Variants in GPRC6A observed in about 807,000 individuals in gnomAD.
The protein encoded by GPRC6A is G protein-coupled receptor family C group 6 member A.
In GPRC6A, 54 loss-of-function variants were observed where a neutral mutation model predicts 47.0. That is an observed-to-expected ratio of 1.15 (90% CI 0.92 to 1.44). GPRC6A has a LOEUF of 1.44. Among genes scored for constraint, GPRC6A ranks in the 40% most tolerant of loss-of-function variants. The pLI, the probability that GPRC6A is intolerant of heterozygous loss-of-function variation, is 0.00. For synonymous variants in GPRC6A, 347 were observed against 377.1 expected, an observed-to-expected ratio of 0.92 and a Z score of 0.93; for missense variants, 1,112 against 1,105.5, an observed-to-expected ratio of 1.01 and a Z score of -0.08.
At chr6:116,822,157 T>A (rs1035537433) in intron 1 of GPRC6A, among the ~76,000 whole-genome samples, 1 of 138,366 alleles carries the variant, frequency 7.2e-6, no homozygotes, top group African/African-American at 2.8e-5. Context: ...AAAACCACAA[T>A]GAGATACCAT....
At position 116,806,517 on chromosome 6, in the gene GPRC6A, G is replaced by C; in HGVS notation, c.1188C>G (p.Phe396Leu). 6.2e-7 allele frequency: 1 copy of C among 1,613,492 alleles called. No individual in the cohort carries two copies. The highest frequency in any genetic ancestry group is 1.1e-5 in the South Asian group (1 of 91,078). The stretch of plus-strand genomic sequence containing the variant: ...CCCAGAGGAAGTCATTTCTCATGAC[G>C]AAGTTCCTTTCTATAGCCTTGTTAG... ...YKANKAIERN[F>L]VMRNDFLWDY... Residue 396 changes from phenylalanine to leucine, a missense_variant, in exon 3 of 6, where the codon TTC (phenylalanine) becomes TTG (leucine). Phe to Leu is a conservative substitution (Grantham distance 22, BLOSUM62 0). Transcript: ENST00000310357.
chr6:116,806,837 C>G lies in GPRC6A; in HGVS notation c.868G>C (p.Ala290Pro), dbSNP rs1396165480. Reference protein sequence around the residue: ...QFHVFDLFNKAIEMNINKMWI... With the variant: ...QFHVFDLFNKPIEMNINKMWI... ...ATCTTATTTATATTCATTTCAATGG[C>G]TTTATTGAAGAGATCAAAAACATGG... is the stretch of plus-strand genomic sequence containing the variant. The change falls in exon 3 of 6, where the codon GCC becomes CCC. Residue 290 changes from alanine to proline, a missense_variant. Physicochemically the swap from Ala to Pro is conservative, Grantham distance 27 (BLOSUM62 -1). Transcript: ENST00000310357. 2.5e-6 allele frequency: 4 copies of G among 1,612,322 alleles called. No individual in the cohort carries two copies. The highest frequency in any genetic ancestry group is 3.4e-6 in the Non-Finnish European group (4 of 1,178,616).
At chr6:116,821,498 G>A (rs1252730099) in intron 1 of GPRC6A, among the ~76,000 whole-genome samples, 1 of 152,054 alleles carries the variant, frequency 6.6e-6, no homozygotes, top group East Asian at 1.9e-4. Flanking sequence ...CATGGTACCG[G>A]TACCAAAACA....
At chr6:116,805,595 G>T (rs1436481979) in intron 3 of GPRC6A, among the ~76,000 whole-genome samples, 1 of 149,542 alleles carries the variant, frequency 6.7e-6, no homozygotes, top group Non-Finnish European at 1.5e-5. Context: ...ACTTTTCAAT[G>T]CCTTGTTCAA....
intron 4 of GPRC6A, among the ~76,000 whole-genome samples, chr6:116,800,010 A>G (rs879548807): frequency 6.6e-6 from 1 of 152,164 alleles, no homozygotes; most frequent in Non-Finnish European, 1.5e-5. Flanking sequence ...GTTAACTGAA[A>G]TGAGAACAGG....
chr6:116,812,636 C>T (rs1413209867), intron 1 of GPRC6A, among the ~76,000 whole-genome samples: 1 of 152,138 alleles, frequency 6.6e-6, no homozygotes, highest in African/African-American at 2.4e-5. Context: ...GAGACATAGA[C>T]TGGCTGTCAA....
intron 4 of GPRC6A, 85 bp from the exon 5 acceptor site, chr6:116,795,920 T>C: frequency 1.2e-6 from 1 of 844,380 alleles, no homozygotes; most frequent in Non-Finnish European, 1.8e-6. Flanking sequence ...AACTTAAAGA[T>C]ATATTTACTA....
chr6:116,798,634 C>T (rs951897975), intron 4 of GPRC6A, among the ~76,000 whole-genome samples: 2 of 151,966 alleles, frequency 1.3e-5, no homozygotes, highest in Non-Finnish European at 2.9e-5. Flanking sequence ...CCTCTAATTC[C>T]AGCACTTTAG....
chr6:116,817,266 A>T (rs1161526700), intron 1 of GPRC6A, among the ~76,000 whole-genome samples: 1 of 152,156 alleles, frequency 6.6e-6, no homozygotes, highest in African/African-American at 2.4e-5. Context: ...GGCACCCCCC[A>T]GCAGGGGCAC....
chr6:116,793,345 T>G, intron 5 of GPRC6A, 95 bp from the exon 6 acceptor site: 1 of 819,286 alleles, frequency 1.2e-6, no homozygotes, highest in Non-Finnish European at 1.8e-6. Context: ...TTAATAGTTC[T>G]GACTAGAGAA....
intron 3 of GPRC6A, among the ~76,000 whole-genome samples, chr6:116,806,027 G>T (rs1772825745): frequency 6.6e-6 from 1 of 151,968 alleles, no homozygotes; most frequent in Non-Finnish European, 1.5e-5. Context: ...AAAACAAAAG[G>T]ATTATTAAAC....
At chr6:116,821,650 T>C (rs1773484646) in intron 1 of GPRC6A, among the ~76,000 whole-genome samples, 1 of 152,100 alleles carries the variant, frequency 6.6e-6, no homozygotes, top group South Asian at 2.1e-4. Context: ...GAAAACTGGC[T>C]AGCCATATGT....
chr6:116,812,973 C>G (rs1386324353), intron 1 of GPRC6A, among the ~76,000 whole-genome samples: 2 of 152,106 alleles, frequency 1.3e-5, no homozygotes, highest in Non-Finnish European at 2.9e-5. Flanking sequence ...AACAGACAAA[C>G]AGAGAGACAA....
chr6:116,816,988 T>A (rs1478314140), intron 1 of GPRC6A, among the ~76,000 whole-genome samples: 1 of 152,208 alleles, frequency 6.6e-6, no homozygotes, highest in African/African-American at 2.4e-5. Flanking sequence ...CCAGGCTCGC[T>A]TAGGTAAACA....
intron 1 of GPRC6A, among the ~76,000 whole-genome samples, chr6:116,813,844 A>T (rs1773114213): frequency 6.6e-6 from 1 of 152,146 alleles, no homozygotes; most frequent in South Asian, 2.1e-4. Flanking sequence ...GGAGAAAATT[A>T]TTGCAATCTA....
chr6:116,797,421 A>G (rs1456480466), intron 4 of GPRC6A, among the ~76,000 whole-genome samples: 1 of 152,196 alleles, frequency 6.6e-6, no homozygotes, highest in East Asian at 1.9e-4. Flanking sequence ...GTTTTGGACT[A>G]TGAGTTCTGG....
chr6:116,821,045 A>G (rs1192238598), intron 1 of GPRC6A, among the ~76,000 whole-genome samples: 1 of 149,762 alleles, frequency 6.7e-6, no homozygotes, highest in African/African-American at 2.4e-5. Context: ...AAAAATCACA[A>G]GCATTCTTAT....
Position 116,792,293 on chromosome 6 carries a change from T to G in GPRC6A, c.2630A>C (p.Asn877Thr). The change falls in exon 6 of 6, where the codon AAT becomes ACT. Residue 877 changes from asparagine (N) to threonine (T), a missense_variant. By Grantham distance (65) the Asn-to-Thr change is moderately conservative. Transcript: ENST00000310357. ...AGAGCTGGGATTGGTCATTGTGACA[T>G]TGCCGCTCATGGAGTCCAGTGAAGC... The part of the protein sequence containing the change: ...SPASLDSMSG[N>T]VTMTNPSSSG... The G allele has an allele frequency of 1.2e-6, 2 of 1,614,044 alleles. No individual in the cohort carries two copies. The highest frequency in any genetic ancestry group is 1.7e-6 in the Non-Finnish European group (2 of 1,179,946).
intron 1 of GPRC6A, among the ~76,000 whole-genome samples, chr6:116,823,545 G>A (rs1045994237): frequency 6.6e-6 from 1 of 152,012 alleles, no homozygotes; most frequent in South Asian, 2.1e-4. Context: ...CTTCTTTGGA[G>A]CCCTCCAAAC....
Sources: allele counts gnomAD v4.1 joint callset (sites outside exome capture counted in the v4.1 genomes callset), GRCh38; gene constraint gnomAD v4.1.1; transcripts MANE v1.5; gene names NCBI Gene and HGNC (gene_info 2026-07-23, HGNC 2026-07-21).